The following TEF variants were observed in gnomAD, a reference collection of about 807,000 sequenced individuals.
TEF encodes TEF transcription factor, PAR bZIP family member, also known as thyrotroph embryonic factor.
A neutral mutation model predicts 20.8 loss-of-function variants in TEF; 3 were observed. The ratio of observed to expected loss-of-function variants is 0.14; its 90% confidence interval spans 0.07 to 0.37. TEF has a LOEUF of 0.37. Among genes scored for constraint, TEF ranks in the 10% least tolerant of loss-of-function variants. The pLI, the probability that TEF is intolerant of heterozygous loss-of-function variation, is 1.00. For missense variants in TEF, 296 were observed against 397.9 expected (o/e 0.74, Z 2.18); for synonymous variants, 180 against 171.1 (o/e 1.05, Z -0.41).
At chr22:41,378,466 C>T (rs1175260981), upstream of TEF, among the ~76,000 whole-genome samples, 2 of 151,866 alleles carry the variant, frequency 1.3e-5, no homozygotes, top group African/African-American at 2.4e-5. Context: ...CTGCTTCAAC[C>T]TCCCGAGTTG....
At chr22:41,384,539 G>A (rs569570403) in intron 1 of TEF, among the ~76,000 whole-genome samples, 47 of 152,188 alleles carry the variant, frequency 3.1e-4, no homozygotes, top group Admixed American at 1.4e-3. Flanking sequence ...CTCTGAAAAG[G>A]GTCCTGAAAA....
exon 1 of TEF, chr22:41,367,528 CT>C: frequency 6.4e-7 from 1 of 1,550,962 alleles, no homozygotes; most frequent in Non-Finnish European, 8.7e-7. Context: ...TCAGTGGCCC[CT>C]GCCATGGACA....
chr22:41,388,824 C>T (rs1220925911), intron 2 of TEF, among the ~76,000 whole-genome samples: 2 of 152,042 alleles, frequency 1.3e-5, no homozygotes, highest in African/African-American at 4.8e-5. Flanking sequence ...GAATCCACAC[C>T]CAATAAGTTC....
upstream of TEF, among the ~76,000 whole-genome samples, chr22:41,377,535 CG>C (rs2036958633): frequency 4.6e-5 from 7 of 152,276 alleles, 1 homozygote; most frequent in South Asian, 1.5e-3. Context: ...TCCACTAAGA[CG>C]GGGCAAGGTC....
chr22:41,387,092 C>G (rs529004081), intron 1 of TEF, among the ~76,000 whole-genome samples: 1 of 152,058 alleles, frequency 6.6e-6, no homozygotes, highest in Admixed American at 6.6e-5. Flanking sequence ...ACCCTATGAC[C>G]GCTTAAGGTC....
chr22:41,381,876 T>G (rs2145976319), upstream of TEF: 2 of 1,224,568 alleles, frequency 1.6e-6, no homozygotes, highest in South Asian at 8.5e-5. Context: ...GAATAATTAA[T>G]GTGCCAGAGC....
Position 41,398,706 on chromosome 22 carries a change from A to G in TEF, c.*2746A>G, listed in dbSNP as rs540079748. On this transcript the variant is annotated 3_prime_UTR_variant, in exon 4 of 4. Transcript: ENST00000266304. Reference sequence around the variant, plus strand: ...GCTTCTGAGGTTGGAGGGGGCACTTAGCAGTGAACCTTAAGTCTGGGTACA... The same window carrying G: ...GCTTCTGAGGTTGGAGGGGGCACTTGGCAGTGAACCTTAAGTCTGGGTACA... 23 of 152,368 alleles carry G rather than the reference A, an allele frequency of 1.5e-4. No individual in the cohort carries two copies. The highest frequency in any genetic ancestry group is 1.4e-3 in the Admixed American group (21 of 15,296). The allele number at this position is 152,368 out of a possible 1,614,324, so 9.4% of individuals were successfully genotyped here.
chr22:41,374,713 CA>C (rs144864193), intron 1 of TEF, among the ~76,000 whole-genome samples: 14,682 of 116,282 alleles, frequency 0.13, 882 homozygotes, highest in Middle Eastern at 0.26. Context: ...AAAACTGTCT[CA>C]AAAAAAAAAA....
At position 41,387,616 on chromosome 22, in the gene TEF, A is replaced by G. The variant is rs1302494289; in HGVS notation, c.423A>G (p.Pro141=). Residue 141 remains proline (P), a synonymous_variant, in exon 2 of 4, where the codon CCA becomes CCG. Coordinates refer to ENST00000266304, the MANE Select transcript of TEF (RefSeq NM_003216.4). ...KESASSSTAS[P]PSSSTAIFQP... The stretch of plus-strand genomic sequence containing the variant: ...CTGCCAGCTCTTCCACAGCATCCCC[A>G]CCATCCTCCTCCACTGCCATCTTTC... The G allele has an allele frequency of 1.9e-6, 3 of 1,613,950 alleles. No individual in the cohort carries two copies. Among genetic ancestry groups the G allele is most frequent in the Admixed American group, 1.7e-5 (1 of 59,992 alleles).
intron 2 of TEF, among the ~76,000 whole-genome samples, chr22:41,389,928 T>G (rs532683029): frequency 6.6e-6 from 1 of 152,074 alleles, no homozygotes; most frequent in East Asian, 1.9e-4. Context: ...AGACGGAGTC[T>G]TGCTTTTGTC....
intron 1 of TEF, chr22:41,367,686 C>A: frequency 2.2e-6 from 3 of 1,349,788 alleles, no homozygotes; most frequent in South Asian, 1.3e-5. Flanking sequence ...GCAGGACAGG[C>A]ATCTCCAAGC....
intron 2 of TEF, among the ~76,000 whole-genome samples, chr22:41,392,400 G>A (rs1339897035): frequency 6.6e-6 from 1 of 152,162 alleles, no homozygotes; most frequent in Non-Finnish European, 1.5e-5. Flanking sequence ...ATGGGGCCGG[G>A]CGCAGTGGCT....
chr22:41,395,075 C>T (rs1206881211), intron 3 of TEF, among the ~76,000 whole-genome samples: 3 of 152,100 alleles, frequency 2.0e-5, no homozygotes, highest in Non-Finnish European at 4.4e-5. Flanking sequence ...GGCGTGATCT[C>T]GGCTCACTGC....
chr22:41,368,464 A>G (rs1439396243), intron 1 of TEF, among the ~76,000 whole-genome samples: 1 of 151,938 alleles, frequency 6.6e-6, no homozygotes, highest in Admixed American at 6.6e-5. Context: ...TAGCATCACC[A>G]GGTGGCCCTG....
At chr22:41,388,999 C>T (rs1221857250) in intron 2 of TEF, among the ~76,000 whole-genome samples, 1 of 152,172 alleles carries the variant, frequency 6.6e-6, no homozygotes, top group South Asian at 2.1e-4. Flanking sequence ...CAATATGTAT[C>T]TAAAATATAA....
At chr22:41,389,194 AT>A (rs1417829545) in intron 2 of TEF, among the ~76,000 whole-genome samples, 1 of 152,008 alleles carries the variant, frequency 6.6e-6, no homozygotes, top group East Asian at 1.9e-4. Context: ...AGGTCAGGAG[AT>A]TGAGACCATC....
At chr22:41,394,738 G>A (rs1030376018) in intron 3 of TEF, among the ~76,000 whole-genome samples, 1 of 152,230 alleles carries the variant, frequency 6.6e-6, no homozygotes, top group African/African-American at 2.4e-5. Context: ...GGTGGGAAGA[G>A]AGAATTTTGC....
At chr22:41,373,708 T>A (rs1170557192) in intron 1 of TEF, among the ~76,000 whole-genome samples, 5 of 150,874 alleles carry the variant, frequency 3.3e-5, no homozygotes, top group African/African-American at 7.3e-5. Flanking sequence ...GACCTCATGA[T>A]CCACCTGCCT....
rs746191377 is a variant in TEF at position 41,395,825 on chromosome 22, T to C, written c.777T>C (p.Asn259=). 3.7e-6 allele frequency: 6 copies of C among 1,613,928 alleles called. No homozygotes were observed. In the African/African-American group the frequency reaches 8.0e-5, roughly 22 times the overall value. The part of the protein sequence containing the change: ...RSRDARRLKE[N]QITIRAAFLE... ...GGGATGCCCGGCGCCTGAAAGAGAA[T>C]CAGATCACCATCCGGGCAGCCTTCC... is the stretch of plus-strand genomic sequence containing the variant. Residue 259 remains asparagine (N), a synonymous_variant, in exon 4 of 4, where the codon AAT becomes AAC. Transcript: ENST00000266304.
Sources: allele counts gnomAD v4.1 joint callset (sites outside exome capture counted in the v4.1 genomes callset), GRCh38; gene constraint gnomAD v4.1.1; transcripts MANE v1.5; gene names NCBI Gene and HGNC (gene_info 2026-07-23, HGNC 2026-07-21).